The following RBFOX2 variants were observed in gnomAD, a reference collection of about 807,000 sequenced individuals.
RBFOX2 encodes the protein RNA binding fox-1 homolog 2, also known as RNA binding protein fox-1 homolog 2.
In RBFOX2, 10 loss-of-function variants were observed where a neutral mutation model predicts 49.1. The ratio of observed to expected loss-of-function variants is 0.20; its 90% CI spans 0.13 to 0.35. RBFOX2 has a LOEUF of 0.35. Among genes scored for constraint, RBFOX2 ranks in the 10% least tolerant of loss-of-function variants. The pLI, the probability that RBFOX2 is intolerant of heterozygous loss-of-function variation, is 1.00. For missense variants in RBFOX2, 323 were observed against 486.9 expected, an observed-to-expected ratio of 0.66 and a Z score of 3.17; for synonymous variants, 183 against 187.4, an observed-to-expected ratio of 0.98 and a Z score of 0.19.
At chr22:36,006,863 TC>T (rs1875367450) in intron 1 of RBFOX2, among the ~76,000 whole-genome samples, 1 of 152,120 alleles carries the variant, frequency 6.6e-6, no homozygotes, top group Admixed American at 6.6e-5. Flanking sequence ...TCCATTATGC[TC>T]CCATAGAAGC....
intron 1 of RBFOX2, among the ~76,000 whole-genome samples, chr22:35,860,742 G>A (rs2043009126): frequency 6.6e-6 from 1 of 152,116 alleles, no homozygotes; most frequent in Non-Finnish European, 1.5e-5. Flanking sequence ...GATTCTGATT[G>A]GGATATACAC....
chr22:35,884,961 G>C (rs1328595483), intron 1 of RBFOX2, among the ~76,000 whole-genome samples: 1 of 152,016 alleles, frequency 6.6e-6, no homozygotes, highest in Non-Finnish European at 1.5e-5. Context: ...TTGGGAATTT[G>C]TTTTCTTATC....
intron 11 of RBFOX2, among the ~76,000 whole-genome samples, chr22:35,744,886 C>T (rs1931880956): frequency 6.6e-6 from 1 of 152,154 alleles, no homozygotes; most frequent in African/African-American, 2.4e-5. Context: ...TATCTAATGG[C>T]TTATCTCTTT....
chr22:35,806,874 A>AG (rs1387435467), intron 2 of RBFOX2, among the ~76,000 whole-genome samples: 2 of 152,150 alleles, frequency 1.3e-5, no homozygotes, highest in Admixed American at 1.3e-4. Context: ...GCATGATCTC[A>AG]GTTCACTGCA....
At chr22:36,027,522 T>G (rs1453329421) in intron 1 of RBFOX2, among the ~76,000 whole-genome samples, 1 of 152,214 alleles carries the variant, frequency 6.6e-6, no homozygotes, top group Non-Finnish European at 1.5e-5. Flanking sequence ...TAAAAAAATT[T>G]TTTTTATAGC....
At chr22:35,797,828 C>T (rs147420410) in intron 2 of RBFOX2, among the ~76,000 whole-genome samples, 1 of 152,314 alleles carries the variant, frequency 6.6e-6, no homozygotes, top group Non-Finnish European at 1.5e-5. Flanking sequence ...ATTACTGCTG[C>T]AAAGGATTGT....
intron 1 of RBFOX2, among the ~76,000 whole-genome samples, chr22:35,922,816 C>G (rs1023871248): frequency 6.6e-6 from 1 of 152,118 alleles, no homozygotes; most frequent in Non-Finnish European, 1.5e-5. Context: ...ATAATCTAAG[C>G]CTGCTTCCCT....
intron 9 of RBFOX2, chr22:35,750,581 A>G (rs1934529083): frequency 1.5e-6 from 1 of 645,732 alleles, no homozygotes; most frequent in East Asian, 2.7e-5. Flanking sequence ...TGGCTTGGCT[A>G]AGCTTGATTC....
At chr22:35,848,708 T>C (rs2045431319) in intron 1 of RBFOX2, among the ~76,000 whole-genome samples, 2 of 152,214 alleles carry the variant, frequency 1.3e-5, no homozygotes, top group African/African-American at 2.4e-5. Flanking sequence ...TAAAGGAACA[T>C]GAAAACAAAC....
chr22:35,826,143 C>A (rs1955673715), intron 1 of RBFOX2, among the ~76,000 whole-genome samples: 1 of 150,248 alleles, frequency 6.7e-6, no homozygotes, highest in South Asian at 2.1e-4. Context: ...GAGTTCGAGA[C>A]CAGCCTGACC....
chr22:35,972,389 C>T (rs942742175), intron 1 of RBFOX2, among the ~76,000 whole-genome samples: 1 of 151,336 alleles, frequency 6.6e-6, no homozygotes, highest in Non-Finnish European at 1.5e-5. Flanking sequence ...TAAGTCAAAC[C>T]GCTTATATTC....
chr22:35,776,664 A>G (rs1278789863), intron 4 of RBFOX2, among the ~76,000 whole-genome samples: 1 of 152,166 alleles, frequency 6.6e-6, no homozygotes, highest in African/African-American at 2.4e-5. Context: ...TGTTTAAGAG[A>G]TTTAACCATA....
intron 9 of RBFOX2, among the ~76,000 whole-genome samples, chr22:35,753,346 T>A (rs181596288): frequency 6.6e-6 from 1 of 152,208 alleles, no homozygotes; most frequent in Non-Finnish European, 1.5e-5. Context: ...ACATGTGGAA[T>A]ACAGAACACA....
intron 1 of RBFOX2, among the ~76,000 whole-genome samples, chr22:35,859,355 A>T (rs912665903): frequency 6.6e-6 from 1 of 152,236 alleles, no homozygotes; most frequent in Non-Finnish European, 1.5e-5. Flanking sequence ...GCATACATGA[A>T]GCCATACCTA....
At chr22:35,936,707 G>A (rs1387186956) in intron 1 of RBFOX2, among the ~76,000 whole-genome samples, 1 of 152,176 alleles carries the variant, frequency 6.6e-6, no homozygotes, top group African/African-American at 2.4e-5. Context: ...CATGAGTAAT[G>A]AATGTGCAGG....
chr22:35,847,958 A>AC (rs2041429465), intron 1 of RBFOX2, among the ~76,000 whole-genome samples: 1 of 152,090 alleles, frequency 6.6e-6, no homozygotes, highest in Admixed American at 6.5e-5. Context: ...TCTTTAATCC[A>AC]CCCCAAAATT....
At chr22:35,913,114 TA>T in intron 1 of RBFOX2, among the ~76,000 whole-genome samples, 1 of 11,190 alleles carries the variant, frequency 8.9e-5, no homozygotes, top group Non-Finnish European at 1.6e-4. Context: ...AATTTTTTTT[TA>T]ATTGGAAGTA....
intron 1 of RBFOX2, chr22:35,961,527 C>T: frequency 7.7e-7 from 1 of 1,303,284 alleles, no homozygotes. Flanking sequence ...CAAACTCCCA[C>T]TCCACCACCC....
chr22:35,873,015 T>C (rs1281775184), intron 1 of RBFOX2, among the ~76,000 whole-genome samples: 1 of 152,240 alleles, frequency 6.6e-6, no homozygotes, highest in Non-Finnish European at 1.5e-5. Context: ...CAGTAGCTGA[T>C]AATCAGCAAC....
Sources: gnomAD v4.1 joint callset for allele counts (sites outside exome capture counted in the v4.1 genomes callset) on GRCh38, gnomAD v4.1.1 for gene constraint, MANE v1.5 for transcripts, NCBI Gene and HGNC (gene_info 2026-07-23, HGNC 2026-07-21) for gene names.